The following ACVR1C variants were observed in gnomAD, a reference collection of about 807,000 sequenced individuals.
ACVR1C encodes the protein activin A receptor type 1C, also known as activin receptor type-1C.
A neutral mutation model predicts 57.9 loss-of-function variants in ACVR1C; 23 were observed. The ratio of observed to expected loss-of-function variants is 0.40; its 90% CI spans 0.29 to 0.56. The LOEUF is 0.56. ACVR1C is among the 20% of genes least tolerant of loss of function. ACVR1C has a pLI of 0.50. For synonymous variants in ACVR1C, 214 were observed against 215.3 expected, an observed-to-expected ratio of 0.99 and a Z score of 0.05; for missense variants, 480 against 607.9, an observed-to-expected ratio of 0.79 and a Z score of 2.21.
At chr2:157,555,273 C>T (rs916704888) in intron 3 of ACVR1C, among the ~76,000 whole-genome samples, 1 of 151,216 alleles carries the variant, frequency 6.6e-6, no homozygotes, top group Non-Finnish European at 1.5e-5. Flanking sequence ...CGCCCGCCAC[C>T]GCGCCCGGCT....
intron 1 of ACVR1C, chr2:157,597,498 A>T (rs1196726132): frequency 5.5e-5 from 54 of 985,308 alleles, no homozygotes; most frequent in Non-Finnish European, 6.1e-5. Context: ...ACCTTGGCGC[A>T]GTGAATTCGG....
chr2:157,556,656 AC>A (rs1688107312), intron 2 of ACVR1C, among the ~76,000 whole-genome samples: 3 of 128,452 alleles, frequency 2.3e-5, no homozygotes, highest in African/African-American at 9.2e-5. Flanking sequence ...TCAGCAGTAC[AC>A]TTTTTTTTTT....
At chr2:157,576,830 A>ATTTTT (rs1688665585) in intron 2 of ACVR1C, among the ~76,000 whole-genome samples, 1 of 68,304 alleles carries the variant, frequency 1.5e-5, no homozygotes, top group African/African-American at 7.2e-5. Context: ...GGGCTTTGAA[A>ATTTTT]TTTTCTTTTT....
intron 1 of ACVR1C, among the ~76,000 whole-genome samples, chr2:157,611,995 C>T (rs1196551803): frequency 6.6e-6 from 1 of 152,174 alleles, no homozygotes; most frequent in Non-Finnish European, 1.5e-5. Context: ...ATAAATGGAG[C>T]TGCTTTTATC....
intron 3 of ACVR1C, among the ~76,000 whole-genome samples, chr2:157,552,446 C>T (rs1027869453): frequency 1.3e-5 from 2 of 152,080 alleles, no homozygotes; most frequent in South Asian, 2.1e-4. Context: ...ACTGTTTTTG[C>T]AGGCAACAAT....
intron 2 of ACVR1C, among the ~76,000 whole-genome samples, chr2:157,571,237 C>G (rs1315210902): frequency 3.6e-5 from 1 of 27,498 alleles, no homozygotes; most frequent in African/African-American, 1.6e-4. Context: ...AAGATTTAAA[C>G]GTTAGACCTA....
chr2:157,612,729 A>G (rs928637859), intron 1 of ACVR1C, among the ~76,000 whole-genome samples: 7 of 152,160 alleles, frequency 4.6e-5, no homozygotes, highest in African/African-American at 1.2e-4. Flanking sequence ...TTCCCCAGAG[A>G]GTAGTACTCC....
chr2:157,545,010 C>G (rs1305029988), intron 4 of ACVR1C, among the ~76,000 whole-genome samples: 4 of 152,054 alleles, frequency 2.6e-5, no homozygotes, highest in African/African-American at 9.7e-5. Flanking sequence ...CAATAAAGAT[C>G]AGAAATATAA....
chr2:157,617,007 T>C (rs1682667961), intron 1 of ACVR1C, among the ~76,000 whole-genome samples: 1 of 152,050 alleles, frequency 6.6e-6, no homozygotes, highest in Admixed American at 6.5e-5. Context: ...TCTTAATTAC[T>C]GTCCAAGTGT....
At chr2:157,554,201 G>GAGAAAGAAAGAAAGAAAGAAAGAA (rs70987797) in intron 3 of ACVR1C, among the ~76,000 whole-genome samples, 861 of 41,402 alleles carry the variant, frequency 0.021, 61 homozygotes, top group Middle Eastern at 0.037. Context: ...ATAAAGAAGA[G>GAGAAAGAAAGAAAGAAAGAAAGAA]AGAAAGAAAG....
At chr2:157,539,687 G>T (rs1573903481) in intron 7 of ACVR1C, among the ~76,000 whole-genome samples, 1 of 152,238 alleles carries the variant, frequency 6.6e-6, no homozygotes, top group South Asian at 2.1e-4. Flanking sequence ...ACTAAAGAAG[G>T]TACAACATTA....
intron 2 of ACVR1C, among the ~76,000 whole-genome samples, chr2:157,560,043 A>G (rs987225655): frequency 1.2e-4 from 19 of 152,082 alleles, no homozygotes; most frequent in Admixed American, 3.9e-4. Flanking sequence ...TGAGTTTTGC[A>G]ACTCTCCCTG....
chr2:157,589,355 G>A (rs1185308160), intron 1 of ACVR1C, among the ~76,000 whole-genome samples: 1 of 151,838 alleles, frequency 6.6e-6, no homozygotes, highest in Non-Finnish European at 1.5e-5. Flanking sequence ...GTTTGTTCGT[G>A]TCATTTGCCC....
rs148537888 is a variant in ACVR1C, at chr2:157,618,724, T to C, written c.73+9848A>G. On this transcript the variant is annotated intron_variant, in intron 1 of 8. Transcript: ENST00000243349. ...GAAAGGTGGGATAGTTATATTAATA[T>C]CAACAGAGTGGACCTCAAGGCAAAG... 3.1e-3 allele frequency among the ~76,000 whole-genome samples: 476 copies of C among 151,798 alleles called. 6 individuals are homozygous for C. Among genetic ancestry groups the C allele is most frequent in the African/African-American group, 0.011 (451 of 41,524 alleles).
At chr2:157,610,389 G>A (rs1682505521) in intron 1 of ACVR1C, among the ~76,000 whole-genome samples, 1 of 152,064 alleles carries the variant, frequency 6.6e-6, no homozygotes, top group Non-Finnish European at 1.5e-5. Context: ...TGGCCTATAA[G>A]GTTTCTGTTG....
intron 2 of ACVR1C, among the ~76,000 whole-genome samples, chr2:157,575,031 A>G (rs1688608825): frequency 6.6e-6 from 1 of 152,124 alleles, no homozygotes; most frequent in Admixed American, 6.6e-5. Context: ...GTGCAATCAT[A>G]GCTCACTGCA....
chr2:157,590,755 C>A (rs79260438), intron 1 of ACVR1C, among the ~76,000 whole-genome samples: 11 of 151,822 alleles, frequency 7.2e-5, no homozygotes, highest in African/African-American at 2.7e-4. Context: ...AGGCACTTTC[C>A]TTGCAAAAAG....
intron 1 of ACVR1C, among the ~76,000 whole-genome samples, chr2:157,627,573 G>A (rs569251851): frequency 6.6e-6 from 1 of 152,150 alleles, no homozygotes; most frequent in Non-Finnish European, 1.5e-5. Flanking sequence ...AGAGGAAAAC[G>A]ACCCACCATG....
intron 4 of ACVR1C, among the ~76,000 whole-genome samples, chr2:157,546,769 C>T (rs1687764429): frequency 6.6e-6 from 1 of 151,956 alleles, no homozygotes; most frequent in African/African-American, 2.4e-5. Flanking sequence ...TCTGTGATTA[C>T]ACAAGCATGG....
Sources: allele counts gnomAD v4.1 joint callset (sites outside exome capture counted in the v4.1 genomes callset), GRCh38; gene constraint gnomAD v4.1.1; transcripts MANE v1.5; gene names NCBI Gene and HGNC (gene_info 2026-07-23, HGNC 2026-07-21).